The following ZER1 variants were observed in gnomAD, a reference collection of about 807,000 sequenced individuals.
ZER1 encodes the protein protein zer-1 homolog.
Under a neutral mutation model 78.8 loss-of-function variants are expected in ZER1, and 11 were observed. The observed-to-expected ratio is 0.14, with a 90% CI of 0.09 to 0.23. The LOEUF (loss-of-function observed/expected upper bound fraction) is 0.23, where lower values mean the gene tolerates loss of function less well. ZER1 is among the 10% of genes least tolerant of loss of function. The pLI is 1.00. For synonymous variants in ZER1, 400 were observed against 407.0 expected, an observed-to-expected ratio of 0.98 and a Z score of 0.21; for missense variants, 588 against 996.9, an observed-to-expected ratio of 0.59 and a Z score of 5.52.
At chr9:128,761,060 AGG>A (rs1313860447) in intron 1 of ZER1, among the ~76,000 whole-genome samples, 1 of 145,164 alleles carries the variant, frequency 6.9e-6, no homozygotes, top group East Asian at 2.3e-4. Context: ...CGGGAGGCTG[AGG>A]TAGAAGAATG....
intron 14 of ZER1, among the ~76,000 whole-genome samples, chr9:128,734,385 C>T (rs551786454): frequency 3.7e-4 from 55 of 150,122 alleles, no homozygotes; most frequent in South Asian, 1.1e-3. Context: ...TTAGTAGAGA[C>T]GGGGTTTCAC....
intron 8 of ZER1, among the ~76,000 whole-genome samples, chr9:128,744,343 T>C (rs914656777): frequency 2.0e-5 from 3 of 150,196 alleles, no homozygotes; most frequent in African/African-American, 7.4e-5. Flanking sequence ...AGGTGCGTGC[T>C]ACCATGCCCA....
intron 8 of ZER1, among the ~76,000 whole-genome samples, chr9:128,747,066 G>A (rs1043952939): frequency 6.6e-6 from 1 of 151,958 alleles, no homozygotes; most frequent in Non-Finnish European, 1.5e-5. Flanking sequence ...AGGCGTGGTG[G>A]CATGCTCCTG....
intron 1 of ZER1, among the ~76,000 whole-genome samples, chr9:128,756,639 A>T (rs1863868707): frequency 6.6e-6 from 1 of 152,000 alleles, no homozygotes; most frequent in Non-Finnish European, 1.5e-5. Context: ...AATCAGTTTA[A>T]AAAAAAAGTC....
At chr9:128,741,490 A>G (rs1863289648) in intron 11 of ZER1, 45 bp downstream of exon 11, 11 of 1,613,674 alleles carry the variant, frequency 6.8e-6, no homozygotes, top group Non-Finnish European at 9.3e-6. Context: ...AAGAGGGGCC[A>G]TGTGGGCAGC....
Position 128,741,860 on chromosome 9 carries a change from G to A in ZER1, c.1576-19C>T, listed in dbSNP as rs752612727. ...GCATGGTCTGCAGGCAGGGACAAGA[G>A]TCTGCTAGAGTGCTGGGGCTGAAGA... On this transcript the variant is annotated intron_variant, in intron 9 of 15. Transcript: ENST00000291900. 6.2e-7 allele frequency: 1 copy of A among 1,614,226 alleles called. No homozygotes were observed. The highest frequency in any genetic ancestry group is 8.5e-7 in the Non-Finnish European group (1 of 1,180,024).
rs1447673010 is a variant in ZER1 at position 128,752,931 on chromosome 9, T to G, written c.747-82A>C. 3.3e-6 allele frequency: 5 copies of G among 1,504,464 alleles called. No homozygotes were observed. The African/African-American group carries it at 7.0e-5, about 21-fold the overall frequency. The allele number at this position is 1,504,464 out of a possible 1,614,324, so 93.2% of individuals were successfully genotyped here. ...TGCAGATCCCAGCTCCTTTAGTCTGTAGCAGGGGAGGGCCCATTCCTGCCA... is the reference window on the plus strand; with the variant it reads ...TGCAGATCCCAGCTCCTTTAGTCTGGAGCAGGGGAGGGCCCATTCCTGCCA... On this transcript the variant is annotated intron_variant, in intron 4 of 15. Coordinates refer to ENST00000291900, the MANE Select transcript of ZER1 (RefSeq NM_006336.4).
Position 128,739,836 on chromosome 9 carries a change from G to A in ZER1, c.2042+95C>T, listed in dbSNP as rs1414503922. On this transcript the variant is annotated intron_variant, in intron 13 of 15. Transcript: ENST00000291900. ...AACCCTACAGAAGACCAGAAGGAAG[G>A]TGGGAGCTCTGAGCAGACCTTAATG... 4.2e-6 allele frequency: 6 copies of A among 1,441,438 alleles called. No individual in the cohort carries two copies. In the African/African-American group the frequency reaches 5.7e-5, roughly 14 times the overall value. The allele number at this position is 1,441,438 out of a possible 1,614,324, so 89.3% of individuals were successfully genotyped here.
At chr9:128,761,452 A>G (rs1043994734) in intron 1 of ZER1, among the ~76,000 whole-genome samples, 2 of 151,580 alleles carry the variant, frequency 1.3e-5, no homozygotes, top group African/African-American at 4.8e-5. Context: ...ACACCCGGCT[A>G]ATTTTTGTAT....
Position 128,755,578 on chromosome 9 carries a change from C to G in ZER1, c.-13G>C. ...TGTCGGACGCCATGCTGGGGGCAAG[C>G]AGGTGGGCCACTCCAGGACAAGGAT... is the stretch of plus-strand genomic sequence containing the variant. On this transcript the variant is annotated 5_prime_UTR_variant, in exon 2 of 16. Transcript: ENST00000291900. This position sits in a 1 kb window ranked among gnomAD's most constrained non-coding sequence, Gnocchi z 5.6. The G allele has an allele frequency of 1.9e-6, 3 of 1,607,340 alleles. No individual in the cohort carries two copies. The highest frequency in any genetic ancestry group is 2.2e-5 in the East Asian group (1 of 44,660).
rs1215984011 is a variant in ZER1, at chr9:128,753,646, C to A, written c.310-46G>T. 2 of 1,593,636 alleles carry A rather than the reference C, an allele frequency of 1.3e-6. No individual in the cohort carries two copies. Among genetic ancestry groups the A allele is most frequent in the South Asian group, 1.1e-5 (1 of 89,450 alleles). The stretch of plus-strand genomic sequence containing the variant: ...ATCATCATCACCACCCTTGCCCCTT[C>A]CCCCGGCCCCAGGCCTTGCCCTGGG... On this transcript the variant is annotated intron_variant, in intron 3 of 15. Transcript: ENST00000291900. The surrounding 1 kb of genome is among the most constrained non-coding windows in gnomAD (Gnocchi z 7.5).
chr9:128,736,159 C>G (rs1863071598), intron 13 of ZER1, among the ~76,000 whole-genome samples: 1 of 151,944 alleles, frequency 6.6e-6, no homozygotes, highest in African/African-American at 2.4e-5. Flanking sequence ...ACCGTGTTAG[C>G]CAGGATGGTC....
At chr9:128,737,446 T>C (rs10819437) in intron 13 of ZER1, among the ~76,000 whole-genome samples, 151,727 of 152,316 alleles carry the variant, frequency 1, 75,575 homozygotes, top group Middle Eastern at 1. Context: ...AATGTCAGCC[T>C]GTTCCTCCCA....
Position 128,733,463 on chromosome 9 carries a change from T to C in ZER1, c.2206A>G (p.Met736Val), listed in dbSNP as rs750411221. ...GMPLLRDIIK[M>V]ATARQETKEM... ...TTGGTCTCCTGCCGTGCGGTCGCCA[T>C]CTTAATTATGTCCCTCAGAAGGGGC... Residue 736 changes from methionine (M) to valine (V), a missense_variant, in exon 15 of 16, where the codon ATG becomes GTG. Physicochemically the swap from Met to Val is conservative, Grantham distance 21. Transcript: ENST00000291900. The C allele has an allele frequency of 1.9e-6, 3 of 1,613,794 alleles. No homozygotes were observed. In the African/African-American group the frequency reaches 4.0e-5, roughly 22 times the overall value.
chr9:128,771,677 C>A lies in ZER1; in HGVS notation c.-191G>T, dbSNP rs1437855270. On this transcript the variant is annotated 5_prime_UTR_variant, in exon 1 of 16. Coordinates refer to ENST00000291900, the MANE Select transcript of ZER1 (RefSeq NM_006336.4). ...AGCCCGGGAGAATCCGGGGCCAGAG[C>A]ACCTCAGGAGGTTGGGGATCTCGTC... 1 of 152,268 alleles carries A rather than the reference C, an allele frequency of 6.6e-6. No individual in the cohort carries two copies. Among genetic ancestry groups the A allele is most frequent in the Non-Finnish European group, 1.5e-5 (1 of 68,156 alleles). 9.4% of individuals were successfully genotyped at this position (152,268 alleles called of 1,614,324 possible).
intron 1 of ZER1, among the ~76,000 whole-genome samples, chr9:128,757,015 T>C (rs1863879960): frequency 6.6e-6 from 1 of 152,162 alleles, no homozygotes; most frequent in Non-Finnish European, 1.5e-5. Context: ...CATAAACTTA[T>C]CTACACCAAA....
intron 11 of ZER1, among the ~76,000 whole-genome samples, chr9:128,741,333 A>G (rs536079174): frequency 1.2e-4 from 18 of 152,168 alleles, no homozygotes; most frequent in Non-Finnish European, 2.2e-4. Context: ...GGGGGCTCTC[A>G]GGAGGCCCCA....
At chr9:128,757,821 A>G (rs977828137) in intron 1 of ZER1, among the ~76,000 whole-genome samples, 1 of 152,204 alleles carries the variant, frequency 6.6e-6, no homozygotes, top group African/African-American at 2.4e-5. Context: ...GTTTAACACT[A>G]TTCACTATTT....
At chr9:128,765,397 T>G (rs10739734) in intron 1 of ZER1, among the ~76,000 whole-genome samples, 65,671 of 152,182 alleles carry the variant, frequency 0.43, 14,648 homozygotes, top group East Asian at 0.63. Flanking sequence ...CATTTTCTGA[T>G]GAAGATACTG....
Sources: allele counts gnomAD v4.1 joint callset (sites outside exome capture counted in the v4.1 genomes callset), GRCh38; gene constraint gnomAD v4.1.1; non-coding constraint Gnocchi (gnomAD v3.1); transcripts MANE v1.5; gene names NCBI Gene and HGNC (gene_info 2026-07-23, HGNC 2026-07-21).